Variants in RNF17 observed in about 807,000 individuals in gnomAD.
RNF17 encodes spermatogenesis associated 23.
RNF17 carries 31 observed loss-of-function variants against 200.5 expected under a neutral mutation model. That is an observed-to-expected ratio of 0.15 (90% CI 0.12 to 0.21). RNF17 has a LOEUF of 0.21. Ranked by LOEUF, RNF17 falls within the 10% of genes least tolerant of loss-of-function variation. The pLI is 1.00. For missense variants in RNF17, 1,628 were observed against 1,905.1 expected (o/e 0.85, Z 2.71); for synonymous variants, 606 against 637.8 (o/e 0.95, Z 0.75).
chr13:24,881,887 T>C (rs1953842164), downstream of RNF17, among the ~76,000 whole-genome samples: 1 of 137,150 alleles, frequency 7.3e-6, no homozygotes, highest in African/African-American at 2.6e-5. Flanking sequence ...TATAGATATA[T>C]AGATACATCT....
the RNF17 span, chr13:24,886,382 G>A: frequency 1.6e-6 from 2 of 1,288,726 alleles, no homozygotes; most frequent in Non-Finnish European, 2.0e-6. Context: ...CGGCTGTGCT[G>A]TGCCTGTGAG....
intron 15 of RNF17, among the ~76,000 whole-genome samples, chr13:24,812,458 C>T (rs551739041): frequency 3.3e-5 from 5 of 152,234 alleles, no homozygotes; most frequent in Admixed American, 3.3e-4. Flanking sequence ...CTCCCTGACC[C>T]CTTGCGCTTC....
chr13:24,780,737 C>CCTAGCCACACCCCCA, intron 5 of RNF17, among the ~76,000 whole-genome samples: 1 of 152,018 alleles, frequency 6.6e-6, no homozygotes, highest in East Asian at 1.9e-4. Context: ...CAAAAGTTAG[C>CCTAGCCACACCCCCA]CGGGCATGGT....
intron 26 of RNF17, among the ~76,000 whole-genome samples, chr13:24,860,041 A>G (rs1227483387): frequency 1.3e-5 from 2 of 151,982 alleles, no homozygotes; most frequent in African/African-American, 2.4e-5. Context: ...CTATTGAACT[A>G]CAAATTTTTA....
At chr13:24,772,252 T>A (rs1196421759) in intron 2 of RNF17, among the ~76,000 whole-genome samples, 1 of 152,156 alleles carries the variant, frequency 6.6e-6, no homozygotes, top group Non-Finnish European at 1.5e-5. Context: ...ATTACAGTAG[T>A]GTTATAATAG....
intron 10 of RNF17, among the ~76,000 whole-genome samples, chr13:24,793,884 A>G (rs578006258): frequency 6.6e-6 from 1 of 152,246 alleles, no homozygotes; most frequent in South Asian, 2.1e-4. Context: ...CTTTAAGACC[A>G]TTTTTCAAGA....
intron 7 of RNF17, among the ~76,000 whole-genome samples, chr13:24,788,473 T>C (rs750722110): frequency 1.2e-4 from 19 of 152,106 alleles, no homozygotes; most frequent in Admixed American, 2.0e-4. Flanking sequence ...TTTAGGTTTC[T>C]AGGACACCCG....
At chr13:24,829,981 T>C (rs1428434575) in intron 16 of RNF17, among the ~76,000 whole-genome samples, 1 of 152,226 alleles carries the variant, frequency 6.6e-6, no homozygotes, top group African/African-American at 2.4e-5. Flanking sequence ...AAGTGCTTAC[T>C]TTGTACCTTG....
upstream of RNF17, among the ~76,000 whole-genome samples, chr13:24,761,886 G>A (rs1878773195): frequency 6.6e-6 from 1 of 152,124 alleles, no homozygotes; most frequent in Admixed American, 6.6e-5. Flanking sequence ...TGAAACTCAA[G>A]ACCCACATTA....
chr13:24,849,435 A>C (rs1038753701), intron 22 of RNF17, among the ~76,000 whole-genome samples: 2 of 152,248 alleles, frequency 1.3e-5, no homozygotes, highest in Admixed American at 6.5e-5. Context: ...AACATTATGA[A>C]ATTTTTTTGA....
chr13:24,762,392 A>AAAG (rs1555261689), upstream of RNF17, among the ~76,000 whole-genome samples: 3 of 146,252 alleles, frequency 2.1e-5, no homozygotes, highest in Non-Finnish European at 4.5e-5. Context: ...AAAAAAAAAA[A>AAAG]AGAGAATATG....
chr13:24,758,513 G>A, the RNF17 span, among the ~76,000 whole-genome samples: 2 of 152,144 alleles, frequency 1.3e-5, no homozygotes, highest in Non-Finnish European at 2.9e-5. Context: ...TGATACAGAA[G>A]GAGATCAGCT....
chr13:24,797,712 G>A (rs1371566514), intron 11 of RNF17, among the ~76,000 whole-genome samples: 1 of 148,904 alleles, frequency 6.7e-6, no homozygotes, highest in African/African-American at 2.5e-5. Flanking sequence ...AAGAGTGTGT[G>A]TGTGTGTGTG....
rs924551767 is a variant in RNF17, at chr13:24,859,260, T to A, written c.3774+96T>A. ...AACACGAGAAAGTTGGATTAAAACA[T>A]CTTTTGATGAAAATTGTGTAGGAAG... On this transcript the variant is annotated intron_variant, in intron 26 of 35. Transcript: ENST00000255324. 3.5e-5 allele frequency: 31 copies of A among 894,156 alleles called. No homozygotes were observed. In the South Asian group the frequency reaches 9.4e-4, roughly 27 times the overall value. The allele number at this position is 894,156 out of a possible 1,614,324, so 55.4% of individuals were successfully genotyped here. A position where few individuals can be genotyped will look rare whatever the true frequency, so the allele number is the denominator to read the frequency against.
At chr13:24,863,077 T>C (rs1893258417) in intron 28 of RNF17, among the ~76,000 whole-genome samples, 1 of 152,184 alleles carries the variant, frequency 6.6e-6, no homozygotes, top group Non-Finnish European at 1.5e-5. Context: ...TTGTTGGACA[T>C]GTTTATAATT....
At chr13:24,768,976 T>C (rs2137461307) in intron 2 of RNF17, among the ~76,000 whole-genome samples, 1 of 145,528 alleles carries the variant, frequency 6.9e-6, no homozygotes. Context: ...TTGTGGGAAA[T>C]TCCTAACCTC....
chr13:24,864,841 T>C, intron 28 of RNF17, 32 bp from the exon 29 acceptor site: 1 of 1,456,002 alleles, frequency 6.9e-7, no homozygotes, highest in South Asian at 1.2e-5. Context: ...TGGAGTTTAT[T>C]TTTATGATTA....
At chr13:24,866,876 T>C (rs1302104718) in intron 30 of RNF17, among the ~76,000 whole-genome samples, 2 of 152,188 alleles carry the variant, frequency 1.3e-5, no homozygotes, top group Non-Finnish European at 2.9e-5. Context: ...ATTTTACATG[T>C]ATGTCAGTAG....
At chr13:24,789,475 A>G (rs898469926) in intron 8 of RNF17, 51 bp downstream of exon 8, 1 of 1,273,280 alleles carries the variant, frequency 7.9e-7, no homozygotes, top group Admixed American at 1.9e-5. Flanking sequence ...GATGTGCTGG[A>G]ACTTAAATGT....
Sources: gnomAD v4.1 joint callset for allele counts (sites outside exome capture counted in the v4.1 genomes callset) on GRCh38, gnomAD v4.1.1 for gene constraint, MANE v1.5 for transcripts, NCBI Gene and HGNC (gene_info 2026-07-23, HGNC 2026-07-21) for gene names.